PEX14: variants seen among roughly 807,000 people sequenced by gnomAD.
PEX14 encodes the protein peroxisomal membrane protein PEX14.
PEX14 carries 15 observed loss-of-function variants against 49.5 expected under a neutral mutation model. The ratio of observed to expected loss-of-function variants is 0.30; its 90% CI spans 0.20 to 0.47. PEX14 has a LOEUF of 0.47. Among genes scored for constraint, PEX14 ranks in the 20% least tolerant of loss-of-function variants. PEX14 has a pLI of 1.00. For synonymous variants in PEX14, 210 were observed against 212.7 expected, an observed-to-expected ratio of 0.99 and a Z score of 0.11; for missense variants, 398 against 494.8, an observed-to-expected ratio of 0.80 and a Z score of 1.86.
chr1:10,553,249 G>A (rs1639386865), intron 3 of PEX14, among the ~76,000 whole-genome samples: 1 of 152,196 alleles, frequency 6.6e-6, no homozygotes, highest in African/African-American at 2.4e-5. Flanking sequence ...GGATGCAAGA[G>A]TGAAGAAGAG....
intron 3 of PEX14, among the ~76,000 whole-genome samples, chr1:10,537,510 T>C (rs1638855127): frequency 6.6e-6 from 1 of 152,152 alleles, no homozygotes; most frequent in South Asian, 2.1e-4. Flanking sequence ...CATCAAAGCA[T>C]TGAAGCTGGG....
chr1:10,537,585 G>A (rs771340024), intron 3 of PEX14, among the ~76,000 whole-genome samples: 12 of 152,064 alleles, frequency 7.9e-5, no homozygotes, highest in Middle Eastern at 3.2e-3. Context: ...TATGGTTGCC[G>A]AGAGATCCTT....
intron 1 of PEX14, among the ~76,000 whole-genome samples, chr1:10,476,270 G>A (rs1299141907): frequency 6.6e-6 from 1 of 152,202 alleles, no homozygotes; most frequent in Admixed American, 6.5e-5. Flanking sequence ...AATGATTCAG[G>A]AAGAAGATGT....
chr1:10,588,781 A>G (rs1212922975), intron 3 of PEX14, among the ~76,000 whole-genome samples: 1 of 152,170 alleles, frequency 6.6e-6, no homozygotes, highest in East Asian at 1.9e-4. Context: ...GATGCTGGCA[A>G]TTCAGATATG....
intron 5 of PEX14, among the ~76,000 whole-genome samples, chr1:10,622,686 G>A (rs1641629562): frequency 6.6e-6 from 1 of 152,092 alleles, no homozygotes; most frequent in Non-Finnish European, 1.5e-5. Flanking sequence ...TTACAACTTT[G>A]ACAGTAGAGT....
At chr1:10,502,539 A>G (rs1641700164) in intron 2 of PEX14, among the ~76,000 whole-genome samples, 1 of 152,200 alleles carries the variant, frequency 6.6e-6, no homozygotes, top group Admixed American at 6.5e-5. Context: ...ACAAATAATT[A>G]TTAGATGAAT....
intron 3 of PEX14, among the ~76,000 whole-genome samples, chr1:10,557,830 C>A (rs1423726512): frequency 9.5e-6 from 1 of 105,720 alleles, no homozygotes; most frequent in African/African-American, 3.1e-5. Flanking sequence ...AACTATTTGC[C>A]TACCTTTTTT....
intron 4 of PEX14, among the ~76,000 whole-genome samples, chr1:10,614,344 A>G (rs1275822586): frequency 6.6e-6 from 1 of 152,160 alleles, no homozygotes; most frequent in Non-Finnish European, 1.5e-5. Context: ...TTTCATTAAT[A>G]ATGAAAACCA....
rs570947620 is a variant in PEX14 at position 10,545,248 on chromosome 1, A to G, written c.169+8951A>G. On this transcript the variant is annotated intron_variant, in intron 3 of 8. Transcript: ENST00000356607. ...ATGGCTATACTACCTGTTGATGGAC[A>G]TTTGGGTTGTTTTCAGATTTTGGAT... 2.0e-5 allele frequency among the ~76,000 whole-genome samples: 3 copies of G among 152,174 alleles called. No individual in the cohort carries two copies. The East Asian group carries it at 5.8e-4, about 29-fold the overall frequency.
In PEX14 at chr1:10,618,188, A is replaced by G. The variant is rs1401658048; in HGVS notation, c.299-144A>G. On this transcript the variant is annotated intron_variant, in intron 4 of 8. Transcript: ENST00000356607. ...GGAGCCGGCTGCTGTTGTGATGATC[A>G]TGTGCTGCCTTCCTGCGTTGGAGTG... The G allele has an allele frequency of 5.9e-6, 4 of 673,156 alleles. No individual in the cohort carries two copies. The Admixed American group carries it at 6.2e-5, about 10-fold the overall frequency. 41.7% of individuals were successfully genotyped at this position (673,156 alleles called of 1,614,324 possible).
At chr1:10,588,848 A>T (rs1267993122) in intron 3 of PEX14, among the ~76,000 whole-genome samples, 1 of 152,214 alleles carries the variant, frequency 6.6e-6, no homozygotes, top group Admixed American at 6.5e-5. Context: ...CTCTTGACTT[A>T]ATAAGGAAAG....
intron 1 of PEX14, among the ~76,000 whole-genome samples, chr1:10,476,061 A>G (rs889833593): frequency 6.6e-6 from 1 of 152,188 alleles, no homozygotes; most frequent in Non-Finnish European, 1.5e-5. Context: ...AATAGTTTCA[A>G]CTTGGGGCCT....
intron 1 of PEX14, among the ~76,000 whole-genome samples, chr1:10,482,422 G>A (rs1056837175): frequency 6.6e-5 from 10 of 151,360 alleles, no homozygotes; most frequent in South Asian, 4.2e-4. Context: ...GAGCCCCTGC[G>A]GGTGGCCCAT....
intron 3 of PEX14, among the ~76,000 whole-genome samples, chr1:10,545,505 A>G (rs2124500050): frequency 6.6e-6 from 1 of 152,294 alleles, no homozygotes; most frequent in East Asian, 1.9e-4. Context: ...AAGGTGACAA[A>G]TTTTCTAGTA....
chr1:10,507,730 G>A (rs1641810158), intron 2 of PEX14, among the ~76,000 whole-genome samples: 1 of 152,184 alleles, frequency 6.6e-6, no homozygotes, highest in African/African-American at 2.4e-5. Flanking sequence ...TCTCCAGGGA[G>A]TCACTGGAAT....
At chr1:10,486,371 T>G (rs1231203865) in intron 1 of PEX14, among the ~76,000 whole-genome samples, 2 of 151,576 alleles carry the variant, frequency 1.3e-5, no homozygotes, top group Non-Finnish European at 2.9e-5. Flanking sequence ...TTTTTTTTTT[T>G]TTTTTTTTTA....
Position 10,629,616 on chromosome 1 carries a change from G to T in PEX14, c.763G>T (p.Ala255Ser). The T allele has an allele frequency of 1.2e-6, 2 of 1,614,038 alleles. No homozygotes were observed. The highest frequency in any genetic ancestry group is 1.7e-6 in the Non-Finnish European group (2 of 1,180,010). ...VKSPSPSSPA[A>S]VNHHSSSDIS... ...GTCACCGTCACCCTCCAGCCCTGCG[G>T]CCGTGAACCACCACAGCAGCAGCGA... is the stretch of plus-strand genomic sequence containing the variant. The change falls in exon 9 of 9, where the codon GCC becomes TCC. Residue 255 changes from alanine to serine, a missense_variant. Physicochemically the swap from Ala to Ser is moderately conservative, Grantham distance 99. Around this residue, in one of 3 missense-constraint regions of PEX14, gnomAD observed 202 missense variants for 298.5 expected, o/e 0.68. Coordinates refer to ENST00000356607, the MANE Select transcript of PEX14 (RefSeq NM_004565.3). The surrounding 1 kb of genome is among the most constrained non-coding windows in gnomAD (Gnocchi z 8.5).
In PEX14 at chr1:10,629,460, G is replaced by A; in HGVS notation, c.678-71G>A. On this transcript the variant is annotated intron_variant, in intron 8 of 8. Transcript: ENST00000356607. The surrounding 1 kb of genome is among the most constrained non-coding windows in gnomAD (Gnocchi z 8.5). Reference sequence around the variant, plus strand: ...CATCGCCGAGCCCTTGCGGGTCAGGGAAGGCGTGGCCCTTCGAAGGGGGGC... The same window carrying A: ...CATCGCCGAGCCCTTGCGGGTCAGGAAAGGCGTGGCCCTTCGAAGGGGGGC... 9.3e-7 allele frequency: 1 copy of A among 1,069,538 alleles called. No individual in the cohort carries two copies. The highest frequency in any genetic ancestry group is 1.4e-6 in the Non-Finnish European group (1 of 697,700). 66.3% of individuals were successfully genotyped at this position (1,069,538 alleles called of 1,614,324 possible).
chr1:10,621,131 A>G (rs528877102), intron 5 of PEX14, among the ~76,000 whole-genome samples: 109 of 152,084 alleles, frequency 7.2e-4, no homozygotes, highest in East Asian at 1.9e-3. Flanking sequence ...AAACATTGCA[A>G]TATCAGTCAC....
Sources: gnomAD v4.1 joint callset for allele counts (sites outside exome capture counted in the v4.1 genomes callset) on GRCh38, gnomAD v4.1.1 for gene constraint, gnomAD v4.1.1 regional missense constraint, Gnocchi (gnomAD v3.1) non-coding constraint, MANE v1.5 for transcripts, NCBI Gene and HGNC (gene_info 2026-07-23, HGNC 2026-07-21) for gene names.